The following VEZT variants were observed in gnomAD, a reference collection of about 807,000 sequenced individuals.
The protein encoded by VEZT is vezatin, adherens junctions transmembrane protein, also known as vezatin.
VEZT carries 39 observed loss-of-function variants against 79.9 expected under a neutral mutation model. The observed-to-expected ratio is 0.49, with a 90% confidence interval of 0.38 to 0.64. VEZT has a LOEUF of 0.64. Ranked by LOEUF, VEZT falls within the 30% of genes least tolerant of loss-of-function variation. The pLI is 0.00. For synonymous variants in VEZT, 325 were observed against 327.6 expected (o/e 0.99, Z 0.09); for missense variants, 837 against 893.1 (o/e 0.94, Z 0.80).
intron 1 of VEZT, among the ~76,000 whole-genome samples, chr12:95,236,883 G>A (rs556891654): frequency 1.3e-5 from 2 of 152,190 alleles, no homozygotes; most frequent in East Asian, 1.9e-4. Flanking sequence ...CATGGTGCTT[G>A]GCTCTTACTG....
At chr12:95,255,230 AC>A (rs2063276070) in intron 2 of VEZT, among the ~76,000 whole-genome samples, 1 of 151,942 alleles carries the variant, frequency 6.6e-6, no homozygotes. Context: ...AAACAAACAA[AC>A]AAAAAGTGTT....
At chr12:95,240,039 AG>A (rs1377261531) in intron 1 of VEZT, among the ~76,000 whole-genome samples, 8 of 112,054 alleles carry the variant, frequency 7.1e-5, no homozygotes, top group African/African-American at 2.7e-4. Context: ...GAAGGAAGGA[AG>A]GAAGGAAGGA....
chr12:95,259,155 A>G (rs1460407753), intron 3 of VEZT, among the ~76,000 whole-genome samples: 1 of 149,100 alleles, frequency 6.7e-6, no homozygotes, highest in African/African-American at 2.5e-5. Context: ...CTGTATGTCT[A>G]TGTTTGTGCT....
chr12:95,245,222 A>G (rs553971302), intron 1 of VEZT, among the ~76,000 whole-genome samples: 1 of 152,134 alleles, frequency 6.6e-6, no homozygotes, highest in East Asian at 1.9e-4. Flanking sequence ...TGAAAGGGGG[A>G]CTCTGTCTCA....
intron 7 of VEZT, among the ~76,000 whole-genome samples, chr12:95,275,207 A>G (rs2067400874): frequency 6.6e-6 from 1 of 152,240 alleles, no homozygotes; most frequent in Admixed American, 6.5e-5. Flanking sequence ...CATTTGTTTC[A>G]ACAAACATGG....
intron 9 of VEZT, among the ~76,000 whole-genome samples, chr12:95,291,284 C>T (rs1017128836): frequency 2.0e-5 from 3 of 152,144 alleles, no homozygotes; most frequent in African/African-American, 7.2e-5. Flanking sequence ...TATTTTAAAA[C>T]GCTTCATATT....
intron 8 of VEZT, among the ~76,000 whole-genome samples, chr12:95,285,252 A>G (rs2070408901): frequency 2.6e-5 from 4 of 151,796 alleles, no homozygotes; most frequent in Non-Finnish European, 5.9e-5. Flanking sequence ...AGACCAGCCT[A>G]AGCAACATGG....
intron 1 of VEZT, among the ~76,000 whole-genome samples, chr12:95,223,148 G>C (rs1298901552): frequency 6.6e-6 from 1 of 152,004 alleles, no homozygotes; most frequent in African/African-American, 2.4e-5. Context: ...CTAAGCTTCA[G>C]TTTTCTCCAT....
intron 9 of VEZT, among the ~76,000 whole-genome samples, chr12:95,289,089 A>AATAAATAAAT (rs2071837335): frequency 9.8e-6 from 1 of 101,692 alleles, no homozygotes; most frequent in African/African-American, 3.8e-5. Flanking sequence ...CTCAAAAAAA[A>AATAAATAAAT]AAATAAATAA....
chr12:95,296,445 G>A (rs1206521620), intron 11 of VEZT, 187 bp downstream of exon 11: 1 of 424,230 alleles, frequency 2.4e-6, no homozygotes, highest in African/African-American at 2.0e-5. Context: ...AACCACATTG[G>A]AAATATGAAG....
chr12:95,254,159 A>AT (rs924230602), intron 2 of VEZT, among the ~76,000 whole-genome samples: 7 of 150,730 alleles, frequency 4.6e-5, no homozygotes, highest in Admixed American at 4.0e-4. Context: ...TTTCTTCTTT[A>AT]TTTTTTGTAA....
At chr12:95,255,821 T>A (rs891178102) in intron 2 of VEZT, among the ~76,000 whole-genome samples, 21 of 152,330 alleles carry the variant, frequency 1.4e-4, no homozygotes, top group African/African-American at 4.3e-4. Flanking sequence ...CTTTATTGTT[T>A]CGCTTCCTTG....
chr12:95,236,288 C>T (rs9739398), intron 1 of VEZT, among the ~76,000 whole-genome samples: 16,619 of 152,136 alleles, frequency 0.11, 1,001 homozygotes, highest in East Asian at 0.25. Context: ...TCAGGCGTGG[C>T]GGCGCGCGCC....
Position 95,218,185 on chromosome 12 carries a change from G to GT in VEZT, c.36+299_36+300insT, listed in dbSNP as rs1054595499. 7.4e-5 allele frequency: 15 copies of GT among 202,200 alleles called. No homozygotes were observed. In the Admixed American group the frequency reaches 7.9e-4, roughly 11 times the overall value. The allele number at this position is 202,200 out of a possible 1,614,324, so 12.5% of individuals were successfully genotyped here. Reference sequence around the variant, plus strand: ...TCCTTCCTGGGAATGGATGTGCGGCGGGGGGGACTGCGCCCGGCTGGGGCG... The same window carrying GT: ...TCCTTCCTGGGAATGGATGTGCGGCGTGGGGGGACTGCGCCCGGCTGGGGCG... On this transcript the variant is annotated intron_variant, in intron 1 of 11. Coordinates refer to ENST00000436874, the MANE Select transcript of VEZT (RefSeq NM_017599.4).
chr12:95,283,892 T>C (rs1010622492), intron 8 of VEZT, among the ~76,000 whole-genome samples: 1 of 152,142 alleles, frequency 6.6e-6, no homozygotes, highest in Admixed American at 6.5e-5. Flanking sequence ...TCCACTTGAG[T>C]GGGTGGCAAA....
rs2066308483 is a variant in VEZT, at chr12:95,270,122, C to T, written c.782C>T (p.Ala261Val). The change falls in exon 6 of 12, where the codon GCT becomes GTT. Residue 261 changes from alanine (A) to valine (V), a missense_variant. Physicochemically the swap from Ala to Val is moderately conservative, Grantham distance 64 (BLOSUM62 0). Coordinates refer to ENST00000436874, the MANE Select transcript of VEZT (RefSeq NM_017599.4). ...CAGCATCTCATCGGTCTTCGGAAAG[C>T]TGTCTACCGAACTCTAAGAGCCAAC... ...PSQHLIGLRK[A>V]VYRTLRANFQ... 1.2e-6 allele frequency: 2 copies of T among 1,611,694 alleles called. No individual in the cohort carries two copies. The highest frequency in any genetic ancestry group is 1.7e-6 in the Non-Finnish European group (2 of 1,179,042).
At chr12:95,300,120 G>A in intron 11 of VEZT, 45 bp from the exon 12 acceptor site, 2 of 1,140,158 alleles carry the variant, frequency 1.8e-6, no homozygotes, top group Non-Finnish European at 2.3e-6. Flanking sequence ...ATCATTGCTA[G>A]GTCCTTAGTT....
chr12:95,287,319 TC>T lies in VEZT; in HGVS notation c.1329-344del, dbSNP rs1468918462. Among the ~76,000 whole-genome samples the T allele has an allele frequency of 9.2e-5, 14 of 152,230 alleles. No individual in the cohort carries two copies. The South Asian group carries it at 1.0e-3, about 11-fold the overall frequency. ...CTTTTTTCATCTTATAAGCCTTTTT[TC>T]TTTTTTTTCTTTTAATTGAGATGGG... On this transcript the variant is annotated intron_variant, in intron 8 of 11. Transcript: ENST00000436874.
chr12:95,225,732 C>T (rs2058339156), intron 1 of VEZT, among the ~76,000 whole-genome samples: 1 of 109,594 alleles, frequency 9.1e-6, no homozygotes, highest in South Asian at 3.1e-4. Context: ...GCTATAGAAA[C>T]ATTTTGCCTC....
Sources: allele counts gnomAD v4.1 joint callset (sites outside exome capture counted in the v4.1 genomes callset), GRCh38; gene constraint gnomAD v4.1.1; transcripts MANE v1.5; gene names NCBI Gene and HGNC (gene_info 2026-07-23, HGNC 2026-07-21).